The following IFT140 variants were observed in gnomAD, a reference collection of about 807,000 sequenced individuals.
The protein encoded by IFT140 is intraflagellar transport protein 140 homolog.
IFT140 carries 133 observed loss-of-function variants against 164.6 expected under a neutral mutation model. The ratio of observed to expected loss-of-function variants is 0.81; its 90% confidence interval spans 0.70 to 0.93. The LOEUF is 0.93. IFT140 is among the 40% of genes least tolerant of loss of function. The probability of loss-of-function intolerance (pLI) is 0.00; values close to 1 mark genes in which losing one functional copy is unlikely to be tolerated. For missense variants in IFT140, 2,045 were observed against 1,972.3 expected (o/e 1.04, Z -0.70); for synonymous variants, 860 against 817.3 (o/e 1.05, Z -0.89).
At chr16:1,558,162 T>C (rs370010833) in intron 18 of IFT140, 28 bp from the exon 19 acceptor site, 68 of 1,611,710 alleles carry the variant, frequency 4.2e-5, no homozygotes, top group Admixed American at 1.2e-4. Context: ...CATGTGTTTG[T>C]TAATTCATAT....
chr16:1,554,881 C>G lies in IFT140; in HGVS notation c.2399+3054G>C, dbSNP rs772786284. ...CTGAACATTGGCGCCTGCCTTCTGGCCACGCTGGCGGCAGCCATGCTCATC... is the reference window on the plus strand; with the variant it reads ...CTGAACATTGGCGCCTGCCTTCTGGGCACGCTGGCGGCAGCCATGCTCATC... On this transcript the variant is annotated intron_variant, in intron 19 of 30. Transcript: ENST00000426508. 3.7e-6 allele frequency: 6 copies of G among 1,614,268 alleles called. No homozygotes were observed. The Admixed American group carries it at 8.3e-5, about 22-fold the overall frequency.
chr16:1,556,253 T>G (rs1314963491), intron 19 of IFT140, among the ~76,000 whole-genome samples: 1 of 152,214 alleles, frequency 6.6e-6, no homozygotes, highest in African/African-American at 2.4e-5. Context: ...AGTCCTTGAG[T>G]TGGGCAGAAA....
In IFT140 at chr16:1,524,586, G is replaced by A. The variant is rs772120615; in HGVS notation, c.3107C>T (p.Ala1036Val). 1.9e-6 allele frequency: 3 copies of A among 1,611,274 alleles called. No homozygotes were observed. Among genetic ancestry groups the A allele is most frequent in the Middle Eastern group, 1.7e-4 (1 of 6,050 alleles). The change falls in exon 24 of 31, where the codon GCA becomes GTA. Residue 1036 changes from alanine to valine, a missense_variant. Coordinates refer to ENST00000426508, the MANE Select transcript of IFT140 (RefSeq NM_014714.4). ...GCGGATGGCATTCTTGAAGGCCTGT[G>A]CCCGGGTGTAGAAGTGCACCGCCTG... ...VGQAVHFYTRAQAFKNAIRLC... is the reference protein window; with the variant it reads ...VGQAVHFYTRVQAFKNAIRLC...
At chr16:1,536,961 C>T (rs1172156041) in intron 19 of IFT140, among the ~76,000 whole-genome samples, 1 of 152,248 alleles carries the variant, frequency 6.6e-6, no homozygotes, top group South Asian at 2.1e-4. Context: ...TGCCGTGTGA[C>T]CTAGGCAGGC....
intron 22 of IFT140, 118 bp downstream of exon 22, chr16:1,525,113 A>C: frequency 8.6e-7 from 1 of 1,161,544 alleles, no homozygotes; most frequent in Non-Finnish European, 1.2e-6. Flanking sequence ...AGGAGCCGGG[A>C]GGACGCTGCC....
At chr16:1,527,732 C>T (rs926107324) in intron 19 of IFT140, among the ~76,000 whole-genome samples, 23 of 152,304 alleles carry the variant, frequency 1.5e-4, no homozygotes, top group Non-Finnish European at 1.6e-4. Context: ...CTACCACACC[C>T]AGCTAAGTTT....
intron 7 of IFT140, 69 bp from the exon 8 acceptor site, chr16:1,588,093 T>C: frequency 1.6e-6 from 2 of 1,274,414 alleles, no homozygotes; most frequent in Non-Finnish European, 2.2e-6. Flanking sequence ...TTCAGGAGCC[T>C]GGAGTCTCTG....
chr16:1,575,878 C>T (rs2034250465), intron 13 of IFT140, among the ~76,000 whole-genome samples: 1 of 152,186 alleles, frequency 6.6e-6, no homozygotes, highest in Admixed American at 6.5e-5. Flanking sequence ...TCCCTGCAGG[C>T]CACTGGTGCC....
chr16:1,515,018 A>G (rs1404455115), intron 30 of IFT140, among the ~76,000 whole-genome samples: 3 of 152,210 alleles, frequency 2.0e-5, no homozygotes, highest in African/African-American at 7.2e-5. Context: ...ATAGCTAAAG[A>G]AAGTCTAGAT....
chr16:1,512,736 G>A (rs905498860), intron 30 of IFT140, among the ~76,000 whole-genome samples: 5 of 152,184 alleles, frequency 3.3e-5, no homozygotes, highest in African/African-American at 9.7e-5. Flanking sequence ...GCTGCAGGGA[G>A]CTGTGATTGT....
Position 1,526,501 on chromosome 16 carries a change from G to A in IFT140, c.2577+118C>T, listed in dbSNP as rs1052432150. 19 of 1,117,286 alleles carry A rather than the reference G, an allele frequency of 1.7e-5. No homozygotes were observed. In the East Asian group the frequency reaches 3.2e-4, roughly 19 times the overall value. The allele number at this position is 1,117,286 out of a possible 1,614,324, so 69.2% of individuals were successfully genotyped here. A position where few individuals can be genotyped will look rare whatever the true frequency, so the allele number is the denominator to read the frequency against. On this transcript the variant is annotated intron_variant, in intron 20 of 30. Transcript: ENST00000426508. ...CCAGCTCTCCTGGGTCATGCCTCTC[G>A]GCTCTGCCCACATCAGTGCAGGCTC...
At position 1,584,353 on chromosome 16, in the gene IFT140, G is replaced by T. The variant is rs750774958; in HGVS notation, c.1223C>A (p.Ala408Asp). Reference sequence around the variant, plus strand: ...TTGCTGGTGGAAGTGTGACGACATGGCCCGCTCGCTGAGGATGGCCACGGA... The same window carrying T: ...TTGCTGGTGGAAGTGTGACGACATGTCCCGCTCGCTGAGGATGGCCACGGA... ...VISVAILSERAMSSHFHQQVA... is the reference protein window; with the variant it reads ...VISVAILSERDMSSHFHQQVA... The change falls in exon 11 of 31, where the codon GCC becomes GAC. Residue 408 changes from alanine to aspartate, a missense_variant. By Grantham distance (126) the Ala-to-Asp change is moderately radical (BLOSUM62 -2). Transcript: ENST00000426508. The T allele has an allele frequency of 6.2e-7, 1 of 1,613,186 alleles. No homozygotes were observed. The highest frequency in any genetic ancestry group is 1.1e-5 in the South Asian group (1 of 90,916).
chr16:1,525,142 G>T, intron 22 of IFT140, 89 bp downstream of exon 22: 1 of 1,251,552 alleles, frequency 8.0e-7, no homozygotes, highest in Non-Finnish European at 1.2e-6. Flanking sequence ...CAGGAAGCAC[G>T]GGAAAGGGAG....
At chr16:1,540,944 G>A (rs1449693933) in intron 19 of IFT140, 10 of 985,302 alleles carry the variant, frequency 1.0e-5, no homozygotes, top group Non-Finnish European at 1.2e-5. Flanking sequence ...GCTCTGCAGC[G>A]TGCAGGGGCC....
At position 1,525,918 on chromosome 16, in the gene IFT140, C is replaced by A; in HGVS notation, c.2737G>T (p.Ala913Ser). The A allele has an allele frequency of 6.4e-7, 1 of 1,563,742 alleles. No homozygotes were observed. The highest frequency in any genetic ancestry group is 8.6e-7 in the Non-Finnish European group (1 of 1,156,148). Residue 913 changes from alanine to serine, a missense_variant, in exon 21 of 31, where the codon GCC (alanine) becomes TCC (serine). Coordinates refer to ENST00000426508, the MANE Select transcript of IFT140 (RefSeq NM_014714.4). ...TYHRYAGHLE[A>S]SADCSRALSY... ...AGGGCCCGGCTGCAGTCGGCGCTGG[C>A]CTCCAGGTGCCCGGCATAGCGGTGG... is the stretch of plus-strand genomic sequence containing the variant.
intron 4 of IFT140, 46 bp from the exon 5 acceptor site, chr16:1,592,634 G>A: frequency 6.3e-7 from 1 of 1,581,400 alleles, no homozygotes; most frequent in African/African-American, 1.4e-5. Flanking sequence ...TCCCGGCAGA[G>A]CGACTGGTGG....
rs761503137 is a variant in IFT140, at chr16:1,520,057, T to A, written c.3874-10A>T. 3 of 1,605,618 alleles carry A rather than the reference T, an allele frequency of 1.9e-6. No homozygotes were observed. Among genetic ancestry groups the A allele is most frequent in the Non-Finnish European group, 2.6e-6 (3 of 1,174,866 alleles). On this transcript the variant is annotated splice_polypyrimidine_tract_variant and intron_variant, in intron 28 of 30. Coordinates refer to ENST00000426508, the MANE Select transcript of IFT140 (RefSeq NM_014714.4). ...ATTCATCAATCTCCACCTGTACAGA[T>A]GAAACCCGTCAAGACCTGCCGGGCT... is the stretch of plus-strand genomic sequence containing the variant.
rs1449774485 is a variant in IFT140, at chr16:1,592,244, CT to C, written c.565del (p.Ser189AlafsTer7). On this transcript the variant is annotated frameshift_variant, in exon 6 of 31. Coordinates refer to ENST00000426508, the MANE Select transcript of IFT140 (RefSeq NM_014714.4). LOFTEE classifies it high-confidence loss of function. ...KALDMFNWKK[S>X]SSGSLLKMGS... ...CATCTTCAGCAAACTTCCAGAACTG[CT>C]CTTCTTCCAGTTAAACATGTCCAGG... 1.2e-6 allele frequency: 2 copies of C among 1,614,110 alleles called. No individual in the cohort carries two copies. Among genetic ancestry groups the C allele is most frequent in the African/African-American group, 2.7e-5 (2 of 74,940 alleles).
intron 7 of IFT140, among the ~76,000 whole-genome samples, chr16:1,589,203 G>A (rs989348906): frequency 7.9e-5 from 12 of 152,216 alleles, no homozygotes; most frequent in African/African-American, 2.7e-4. Context: ...TGGCCTCCAA[G>A]GAGCAGGGAT....
Sources: gnomAD v4.1 joint callset for allele counts (sites outside exome capture counted in the v4.1 genomes callset) on GRCh38, gnomAD v4.1.1 for gene constraint, MANE v1.5 for transcripts, NCBI Gene and HGNC (gene_info 2026-07-23, HGNC 2026-07-21) for gene names.